Variants in EEF1AKMT3 observed in about 807,000 individuals in gnomAD.
EEF1AKMT3 encodes EEF1A lysine methyltransferase 3.
A neutral mutation model predicts 17.8 loss-of-function variants in EEF1AKMT3; 17 were observed. That is an observed-to-expected ratio of 0.96 (90% CI 0.65 to 1.43). The LOEUF is 1.43. EEF1AKMT3 is among the 40% of genes most tolerant of loss of function. EEF1AKMT3 has a pLI of 0.00. For synonymous variants in EEF1AKMT3, 116 were observed against 126.5 expected, an observed-to-expected ratio of 0.92 and a Z score of 0.56; for missense variants, 244 against 285.8, an observed-to-expected ratio of 0.85 and a Z score of 1.06.
chr12:57,773,383 A>T (rs928334662), intron 2 of EEF1AKMT3, among the ~76,000 whole-genome samples: 8 of 152,090 alleles, frequency 5.3e-5, no homozygotes, highest in African/African-American at 1.7e-4. Context: ...AGGCAGGCCT[A>T]TAAGAAGGAG....
At position 57,781,840 on chromosome 12, in the gene EEF1AKMT3, G is replaced by A. The variant is rs529832613; in HGVS notation, c.*1194G>A. 1 of 152,272 alleles carries A rather than the reference G, an allele frequency of 6.6e-6. No individual in the cohort carries two copies. The highest frequency in any genetic ancestry group is 2.4e-5 in the African/African-American group (1 of 41,530). The allele number at this position is 152,272 out of a possible 1,614,324, so 9.4% of individuals were successfully genotyped here. ...CCTTCTCTGGACTCCCTGCTTCCATGCTTTCTCCTTCAGTCCATTCCGCAA... is the reference window on the plus strand; with the variant it reads ...CCTTCTCTGGACTCCCTGCTTCCATACTTTCTCCTTCAGTCCATTCCGCAA... On this transcript the variant is annotated 3_prime_UTR_variant, in exon 3 of 3. Transcript: ENST00000300209.
chr12:57,782,171 T>G lies in EEF1AKMT3; in HGVS notation c.*1525T>G, dbSNP rs1432500012. The G allele has an allele frequency of 6.6e-6, 1 of 152,248 alleles. No homozygotes were observed. The allele number at this position is 152,248 out of a possible 1,614,324, so 9.4% of individuals were successfully genotyped here. ...TTCTTTGCCTCTTTCCTGAGCCTCT[T>G]GCTTGAATGTGATTTCTTTCTCCCT... On this transcript the variant is annotated 3_prime_UTR_variant, in exon 3 of 3. Coordinates refer to ENST00000300209, the MANE Select transcript of EEF1AKMT3 (RefSeq NM_015433.3).
At position 57,772,928 on chromosome 12, in the gene EEF1AKMT3, G is replaced by T. The variant is rs774671157; in HGVS notation, c.177+27G>T. 1 of 1,613,220 alleles carries T rather than the reference G, an allele frequency of 6.2e-7. No homozygotes were observed. The highest frequency in any genetic ancestry group is 8.5e-7 in the Non-Finnish European group (1 of 1,179,354). Reference sequence around the variant, plus strand: ...TGAGGAATGGGCTGCGCCGGGTGAGGGTCCGTGGGAGGTCCAGATCCCGGA... The same window carrying T: ...TGAGGAATGGGCTGCGCCGGGTGAGTGTCCGTGGGAGGTCCAGATCCCGGA... On this transcript the variant is annotated intron_variant, in intron 1 of 2. Coordinates refer to ENST00000300209, the MANE Select transcript of EEF1AKMT3 (RefSeq NM_015433.3). The surrounding 1 kb of genome is among the most constrained non-coding windows in gnomAD (Gnocchi z 4.1).
chr12:57,772,675 C>T lies in EEF1AKMT3; in HGVS notation c.-50C>T, dbSNP rs1167080996. The T allele has an allele frequency of 6.4e-7, 1 of 1,559,076 alleles. No individual in the cohort carries two copies. The highest frequency in any genetic ancestry group is 1.9e-5 in the Admixed American group (1 of 53,726). Reference sequence around the variant, plus strand: ...CCCAGCCTCTACCCCGCTCCGGATCCGGGATCTGAGCGCCGGCCGCGGTGC... The same window carrying T: ...CCCAGCCTCTACCCCGCTCCGGATCTGGGATCTGAGCGCCGGCCGCGGTGC... On this transcript the variant is annotated 5_prime_UTR_variant, in exon 1 of 3. Coordinates refer to ENST00000300209, the MANE Select transcript of EEF1AKMT3 (RefSeq NM_015433.3). This position sits in a 1 kb window ranked among gnomAD's most constrained non-coding sequence, Gnocchi z 4.1.
intron 2 of EEF1AKMT3, among the ~76,000 whole-genome samples, chr12:57,777,358 G>A (rs921017101): frequency 1.3e-5 from 2 of 152,188 alleles, no homozygotes; most frequent in African/African-American, 2.4e-5. Context: ...ACTCAAAAGA[G>A]TTAATATTCA....
chr12:57,777,658 C>A (rs1177113233), intron 2 of EEF1AKMT3, among the ~76,000 whole-genome samples: 1 of 152,312 alleles, frequency 6.6e-6, no homozygotes, highest in East Asian at 1.9e-4. Flanking sequence ...GGCTCAGGGG[C>A]AGTCCTTTGA....
At chr12:57,780,191 G>A (rs1758721907) in intron 2 of EEF1AKMT3, 64 bp from the exon 3 acceptor site, 7 of 1,584,074 alleles carry the variant, frequency 4.4e-6, no homozygotes, top group Non-Finnish European at 6.0e-6. Flanking sequence ...GACCTTCCAG[G>A]CAGGAGCCAA....
intron 2 of EEF1AKMT3, chr12:57,774,694 C>T (rs943392656): frequency 8.1e-6 from 13 of 1,612,870 alleles, no homozygotes; most frequent in Admixed American, 1.7e-5. Context: ...GCGAGGTATG[C>T]GTGGAGCCTG....
rs193192976 is a variant in EEF1AKMT3 at position 57,776,860 on chromosome 12, A to C, written c.290-3395A>C. Among the ~76,000 whole-genome samples the C allele has an allele frequency of 1.4e-3, 220 of 152,286 alleles. 1 individual carries two copies. The highest frequency in any genetic ancestry group is 5.0e-3 in the African/African-American group (208 of 41,560). ...GAGATGGGGTTTCACCATGTTGGCCAGGCTGGTCACAAACTCCTGACCTCA... is the reference window on the plus strand; with the variant it reads ...GAGATGGGGTTTCACCATGTTGGCCCGGCTGGTCACAAACTCCTGACCTCA... On this transcript the variant is annotated intron_variant, in intron 2 of 2. Coordinates refer to ENST00000300209, the MANE Select transcript of EEF1AKMT3 (RefSeq NM_015433.3).
chr12:57,774,775 G>C, intron 2 of EEF1AKMT3: 1 of 1,602,522 alleles, frequency 6.2e-7, no homozygotes, highest in Non-Finnish European at 8.5e-7. Context: ...CAGGTGAGGA[G>C]GAGGTGAACA....
At chr12:57,773,282 ATT>A (rs1955457065) in intron 2 of EEF1AKMT3, among the ~76,000 whole-genome samples, 154 bp downstream of exon 2, 2 of 151,652 alleles carry the variant, frequency 1.3e-5, no homozygotes, top group South Asian at 4.2e-4. Flanking sequence ...TTTTGTTTTT[ATT>A]TTGGCGTCTG....
Position 57,780,535 on chromosome 12 carries a change from C to G in EEF1AKMT3, c.570C>G (p.Ser190Arg). Residue 190 changes from serine to arginine, a missense_variant, in exon 3 of 3, where the codon AGC (serine) becomes AGG (arginine). Physicochemically the swap from Ser to Arg is moderately radical, Grantham distance 110 (BLOSUM62 -1). Transcript: ENST00000300209. ...SKMRKEHGTE[S>R]FFQHLLPQHF... ...TGAGAAAGGAGCATGGGACAGAGAG[C>G]TTCTTTCAGCACCTCCTGCCCCAGC... The G allele has an allele frequency of 6.2e-7, 1 of 1,614,094 alleles. No individual in the cohort carries two copies. The highest frequency in any genetic ancestry group is 8.5e-7 in the Non-Finnish European group (1 of 1,179,998).
At chr12:57,773,342 G>T (rs1955457626) in intron 2 of EEF1AKMT3, among the ~76,000 whole-genome samples, 1 of 152,162 alleles carries the variant, frequency 6.6e-6, no homozygotes, top group Non-Finnish European at 1.5e-5. Flanking sequence ...CACCTAGGGT[G>T]GGTGATTGGG....
rs1275818125 is a variant in EEF1AKMT3 at position 57,780,322 on chromosome 12, T to C, written c.357T>C (p.Asn119=). 2 of 1,614,158 alleles carry C rather than the reference T, an allele frequency of 1.2e-6. No individual in the cohort carries two copies. The highest frequency in any genetic ancestry group is 1.1e-5 in the South Asian group (1 of 91,084). The change falls in exon 3 of 3, where the codon AAT becomes AAC. Residue 119 remains asparagine (N), a synonymous_variant. Coordinates refer to ENST00000300209, the MANE Select transcript of EEF1AKMT3 (RefSeq NM_015433.3). The stretch of plus-strand genomic sequence containing the variant: ...AGATCCAGGGCAACGTCCAGGCCAA[T>C]GTGCCAGCTGGAGGCCAGGCCCAGG... The part of the protein sequence containing the change: ...LEQIQGNVQA[N]VPAGGQAQVR...
chr12:57,780,736 A>G lies in EEF1AKMT3; in HGVS notation c.*90A>G, dbSNP rs1045028041. 6.6e-7 allele frequency: 1 copy of G among 1,518,248 alleles called. No homozygotes were observed. Among genetic ancestry groups the G allele is most frequent in the Non-Finnish European group, 8.9e-7 (1 of 1,128,850 alleles). 94.0% of individuals were successfully genotyped at this position (1,518,248 alleles called of 1,614,324 possible). On this transcript the variant is annotated 3_prime_UTR_variant, in exon 3 of 3. Transcript: ENST00000300209. ...TATTTCCAGAGCCACAAACATGAGG[A>G]CCAAAAAGGATGGATTTCCCTGGCC...
chr12:57,774,394 C>T (rs1455528463), intron 2 of EEF1AKMT3, among the ~76,000 whole-genome samples: 1 of 152,066 alleles, frequency 6.6e-6, no homozygotes, highest in African/African-American at 2.4e-5. Flanking sequence ...ACAGGAGAAT[C>T]GCTTGAACCC....
chr12:57,773,164 AC>A, intron 2 of EEF1AKMT3, 36 bp downstream of exon 2: 1 of 1,597,444 alleles, frequency 6.3e-7, no homozygotes, highest in African/African-American at 1.3e-5. Context: ...GAGAGTGGGG[AC>A]CCAGGGGCGC....
intron 2 of EEF1AKMT3, among the ~76,000 whole-genome samples, chr12:57,777,852 T>C (rs952417143): frequency 6.6e-6 from 1 of 152,044 alleles, no homozygotes; most frequent in African/African-American, 2.4e-5. Flanking sequence ...AAACCCCATC[T>C]CTACTAAAAA....
At chr12:57,777,363 T>C (rs1382202196) in intron 2 of EEF1AKMT3, among the ~76,000 whole-genome samples, 1 of 152,238 alleles carries the variant, frequency 6.6e-6, no homozygotes, top group Non-Finnish European at 1.5e-5. Flanking sequence ...AAAGAGTTAA[T>C]ATTCAGTGTC....
Sources: allele counts gnomAD v4.1 joint callset (sites outside exome capture counted in the v4.1 genomes callset), GRCh38; gene constraint gnomAD v4.1.1; non-coding constraint Gnocchi (gnomAD v3.1); transcripts MANE v1.5; gene names NCBI Gene and HGNC (gene_info 2026-07-23, HGNC 2026-07-21).